The following RPRD2 variants were observed in gnomAD, a reference collection of about 807,000 sequenced individuals.
RPRD2 encodes the protein regulation of nuclear pre-mRNA domain containing 2, also known as regulation of nuclear pre-mRNA domain-containing protein 2.
RPRD2 carries 12 observed loss-of-function variants against 104.4 expected under a neutral mutation model. That is an observed-to-expected ratio of 0.11 (90% CI 0.07 to 0.19). The LOEUF is 0.19. Among genes scored for constraint, RPRD2 ranks in the 10% least tolerant of loss-of-function variants. The pLI is 1.00. For synonymous variants in RPRD2, 714 were observed against 684.9 expected (o/e 1.04, Z -0.66); for missense variants, 1,543 against 1,790.1 (o/e 0.86, Z 2.49).
chr1:150,387,505 A>G (rs1406166517), intron 1 of RPRD2, among the ~76,000 whole-genome samples: 1 of 142,782 alleles, frequency 7.0e-6, no homozygotes, highest in African/African-American at 2.6e-5. Flanking sequence ...GTGACAGGCT[A>G]GATATTTTGC....
At chr1:150,434,472 C>T (rs587638849) in intron 2 of RPRD2, among the ~76,000 whole-genome samples, 79 of 152,128 alleles carry the variant, frequency 5.2e-4, no homozygotes, top group Non-Finnish European at 8.1e-4. Context: ...AGTTTAGGAA[C>T]GTTAAGTATA....
chr1:150,379,621 C>T (rs1250138781), intron 1 of RPRD2, among the ~76,000 whole-genome samples: 1 of 152,122 alleles, frequency 6.6e-6, no homozygotes, highest in African/African-American at 2.4e-5. Context: ...AGGCTGGTCT[C>T]GAACTCCCAA....
chr1:150,431,552 C>A lies in RPRD2; in HGVS notation c.336-9371C>A, dbSNP rs1221926086. On this transcript the variant is annotated intron_variant, in intron 2 of 10. Coordinates refer to ENST00000369068, the MANE Select transcript of RPRD2 (RefSeq NM_015203.5). ...CTGGAGTTCAACAGCACAATCTCGG[C>A]TCGCTGCAACTTCCGCTTCCCGGGT... Among the ~76,000 whole-genome samples, 4 of 137,538 alleles carry A rather than the reference C, an allele frequency of 2.9e-5. No individual in the cohort carries two copies. The East Asian group carries it at 7.4e-4, about 25-fold the overall frequency. 90.2% of individuals were successfully genotyped at this position (137,538 alleles called of 152,430 possible).
chr1:150,371,857 A>G (rs1312481905), intron 1 of RPRD2, among the ~76,000 whole-genome samples: 1 of 152,176 alleles, frequency 6.6e-6, no homozygotes, highest in Non-Finnish European at 1.5e-5. Context: ...TATTTATTCA[A>G]GATTTAGACT....
At chr1:150,420,341 C>T (rs782149721) in intron 2 of RPRD2, among the ~76,000 whole-genome samples, 32 of 151,942 alleles carry the variant, frequency 2.1e-4, no homozygotes, top group Non-Finnish European at 1.2e-4. Flanking sequence ...GACATAATCT[C>T]GGAATAAAGT....
At chr1:150,433,825 A>ATATATAATATGTATAATATATG (rs1560198838) in intron 2 of RPRD2, among the ~76,000 whole-genome samples, 2 of 142,684 alleles carry the variant, frequency 1.4e-5, no homozygotes, top group Admixed American at 6.9e-5. Flanking sequence ...TATATGTAAT[A>ATATATAATATGTATAATATATG]TAATATACAT....
chr1:150,386,241 TG>T (rs1257812428), intron 1 of RPRD2, among the ~76,000 whole-genome samples: 1 of 152,172 alleles, frequency 6.6e-6, no homozygotes, highest in African/African-American at 2.4e-5. Flanking sequence ...CCCATCGTGT[TG>T]GGATTACAGG....
intron 1 of RPRD2, among the ~76,000 whole-genome samples, chr1:150,373,654 A>T (rs587620915): frequency 1.4e-5 from 2 of 145,608 alleles, no homozygotes; most frequent in Non-Finnish European, 3.0e-5. Context: ...TTAGTTTTGG[A>T]TGTGTTAGGT....
intron 2 of RPRD2, among the ~76,000 whole-genome samples, chr1:150,429,447 G>A (rs782437160): frequency 1.3e-5 from 2 of 151,860 alleles, no homozygotes; most frequent in African/African-American, 2.4e-5. Context: ...CTTGACCTCT[G>A]GGTTTCAAGC....
At chr1:150,384,462 T>C (rs1260423) in intron 1 of RPRD2, among the ~76,000 whole-genome samples, 43,244 of 135,100 alleles carry the variant, frequency 0.32, 7,815 homozygotes, top group Non-Finnish European at 0.4. Flanking sequence ...TTATTATTAT[T>C]ATTATTATTA....
chr1:150,432,820 C>G (rs1197742770), intron 2 of RPRD2, among the ~76,000 whole-genome samples: 1 of 151,510 alleles, frequency 6.6e-6, no homozygotes, highest in Non-Finnish European at 1.5e-5. Flanking sequence ...TCTAAAAAAA[C>G]ATGAAATTTA....
At chr1:150,382,188 A>G (rs1553880922) in intron 1 of RPRD2, among the ~76,000 whole-genome samples, 1 of 151,832 alleles carries the variant, frequency 6.6e-6, no homozygotes, top group East Asian at 1.9e-4. Context: ...TAAGGTTAAT[A>G]ATGTAAAGGA....
At chr1:150,383,017 G>C (rs1395649555) in intron 1 of RPRD2, among the ~76,000 whole-genome samples, 1 of 151,760 alleles carries the variant, frequency 6.6e-6, no homozygotes. Flanking sequence ...TTTTGAAACA[G>C]AGTCTCACTG....
intron 1 of RPRD2, among the ~76,000 whole-genome samples, chr1:150,375,968 T>C (rs782293969): frequency 2.0e-5 from 3 of 152,200 alleles, no homozygotes; most frequent in Admixed American, 6.5e-5. Context: ...CCCACAGATA[T>C]TAATTATAGA....
chr1:150,405,008 G>C (rs191575032), intron 1 of RPRD2, among the ~76,000 whole-genome samples: 178 of 152,268 alleles, frequency 1.2e-3, no homozygotes, highest in African/African-American at 4.1e-3. Context: ...AAAATTTATT[G>C]AATCTACCAA....
intron 9 of RPRD2, among the ~76,000 whole-genome samples, chr1:150,461,381 G>A (rs1362736340): frequency 1.3e-5 from 2 of 152,110 alleles, no homozygotes; most frequent in African/African-American, 2.4e-5. Context: ...AAAAGTAAGT[G>A]TATTGCATAT....
Position 150,471,308 on chromosome 1 carries a change from C to T in RPRD2, c.2360C>T (p.Ser787Phe), listed in dbSNP as rs773516597. 8.1e-6 allele frequency: 13 copies of T among 1,613,722 alleles called. No individual in the cohort carries two copies. Among genetic ancestry groups the T allele is most frequent in the Non-Finnish European group, 1.1e-5 (13 of 1,179,868 alleles). The change falls in exon 11 of 11, where the codon TCT (serine) becomes TTT (phenylalanine). Residue 787 changes from serine to phenylalanine, a missense_variant. Coordinates refer to ENST00000369068, the MANE Select transcript of RPRD2 (RefSeq NM_015203.5). This position sits in a 1 kb window ranked among gnomAD's most constrained non-coding sequence, Gnocchi z 5.3. Reference protein sequence around the residue: ...SYPRELSNSVSTYRPFGLGSE... With the variant: ...SYPRELSNSVFTYRPFGLGSE... ...CCCCGAGAGCTCTCCAATTCTGTAT[C>T]TACATATCGACCCTTTGGTCTGGGC... is the stretch of plus-strand genomic sequence containing the variant.
chr1:150,460,394 G>GGTTGTT (rs72430251), intron 9 of RPRD2, 77 bp downstream of exon 9: 454 of 1,081,980 alleles, frequency 4.2e-4, no homozygotes, highest in Non-Finnish European at 5.3e-4. Flanking sequence ...TTTTTGGGGG[G>GGTTGTT]GTTGTTGTTG....
Position 150,474,776 on chromosome 1 carries a change from G to C in RPRD2, c.*1442G>C, listed in dbSNP as rs1668805967. ...AGATGAGTAAAACAGTATGTGTTTA[G>C]TTTTCCAGAGAATTCTGGCAAGTTT... On this transcript the variant is annotated 3_prime_UTR_variant, in exon 11 of 11. Transcript: ENST00000369068. 1 of 152,066 alleles carries C rather than the reference G, an allele frequency of 6.6e-6. No individual in the cohort carries two copies. The highest frequency in any genetic ancestry group is 1.9e-4 in the East Asian group (1 of 5,188). 9.4% of individuals were successfully genotyped at this position (152,066 alleles called of 1,614,324 possible). A position where few individuals can be genotyped will look rare whatever the true frequency, so the allele number is the denominator to read the frequency against.
Sources: allele counts gnomAD v4.1 joint callset (sites outside exome capture counted in the v4.1 genomes callset), GRCh38; gene constraint gnomAD v4.1.1; non-coding constraint Gnocchi (gnomAD v3.1); transcripts MANE v1.5; gene names NCBI Gene and HGNC (gene_info 2026-07-23, HGNC 2026-07-21).